The following ZNF521 variants were observed in gnomAD, a reference collection of about 807,000 sequenced individuals.
ZNF521 encodes zinc finger protein 521.
Under a neutral mutation model 105.5 loss-of-function variants are expected in ZNF521, and 14 were observed. The observed-to-expected ratio is 0.13, with a 90% CI of 0.09 to 0.21. ZNF521 has a LOEUF of 0.21. ZNF521 is among the 10% of genes least tolerant of loss of function. The pLI is 1.00. For synonymous variants in ZNF521, 635 were observed against 606.0 expected, an observed-to-expected ratio of 1.05 and a Z score of -0.70; for missense variants, 1,233 against 1,629.7, an observed-to-expected ratio of 0.76 and a Z score of 4.19.
chr18:25,343,535 A>G (rs996347959), intron 2 of ZNF521, among the ~76,000 whole-genome samples: 4 of 152,242 alleles, frequency 2.6e-5, no homozygotes, highest in African/African-American at 4.8e-5. Flanking sequence ...AAATATTGAA[A>G]TATAAATCCA....
intron 5 of ZNF521, among the ~76,000 whole-genome samples, chr18:25,134,133 C>T (rs1415290431): frequency 6.6e-6 from 1 of 152,124 alleles, no homozygotes; most frequent in Non-Finnish European, 1.5e-5. Context: ...CAGGAAGCTG[C>T]CTTACCTCTT....
At chr18:25,092,318 A>C (rs1454638497) in intron 5 of ZNF521, among the ~76,000 whole-genome samples, 1 of 152,196 alleles carries the variant, frequency 6.6e-6, no homozygotes, top group Non-Finnish European at 1.5e-5. Context: ...AGGCTAATGC[A>C]TTTTATTACA....
chr18:25,253,710 A>G (rs997480618), intron 3 of ZNF521, among the ~76,000 whole-genome samples: 3 of 152,160 alleles, frequency 2.0e-5, no homozygotes, highest in Admixed American at 6.5e-5. Flanking sequence ...CAGCATTTGG[A>G]TAATAAAAAA....
At chr18:25,193,651 G>A (rs2035855247) in intron 5 of ZNF521, among the ~76,000 whole-genome samples, 1 of 151,848 alleles carries the variant, frequency 6.6e-6, no homozygotes, top group Admixed American at 6.6e-5. Flanking sequence ...GTTTATATAA[G>A]GTATTTTTTA....
At chr18:25,321,318 T>C (rs1225750043) in intron 3 of ZNF521, among the ~76,000 whole-genome samples, 1 of 152,230 alleles carries the variant, frequency 6.6e-6, no homozygotes, top group African/African-American at 2.4e-5. Flanking sequence ...AGTCCCAGTT[T>C]TATTTAGCCA....
At chr18:25,328,780 C>A (rs1913386776) in intron 2 of ZNF521, among the ~76,000 whole-genome samples, 1 of 152,082 alleles carries the variant, frequency 6.6e-6, no homozygotes, top group African/African-American at 2.4e-5. Flanking sequence ...TCTCGATCTT[C>A]TGACCTTGTG....
At chr18:25,218,536 T>C (rs1472024089) in intron 4 of ZNF521, among the ~76,000 whole-genome samples, 2 of 144,278 alleles carry the variant, frequency 1.4e-5, no homozygotes, top group African/African-American at 2.6e-5. Flanking sequence ...CATACCTGTA[T>C]AGTCTCAGAT....
At chr18:25,284,345 G>A (rs2145000787) in intron 3 of ZNF521, among the ~76,000 whole-genome samples, 1 of 151,998 alleles carries the variant, frequency 6.6e-6, no homozygotes, top group African/African-American at 2.4e-5. Flanking sequence ...CACTGCTCTA[G>A]CTATCCTTTA....
chr18:25,120,134 A>G (rs1014112360), intron 5 of ZNF521, among the ~76,000 whole-genome samples: 7 of 152,356 alleles, frequency 4.6e-5, no homozygotes, highest in South Asian at 2.1e-4. Context: ...AAAAGGAAGG[A>G]AGAAAGGTAG....
intron 4 of ZNF521, among the ~76,000 whole-genome samples, chr18:25,206,755 C>T (rs1418005304): frequency 6.6e-6 from 1 of 152,204 alleles, no homozygotes; most frequent in African/African-American, 2.4e-5. Flanking sequence ...AACAGCTTTC[C>T]TACTGAGGCA....
At chr18:25,342,689 A>G (rs1296256884) in intron 2 of ZNF521, among the ~76,000 whole-genome samples, 1 of 152,006 alleles carries the variant, frequency 6.6e-6, no homozygotes, top group African/African-American at 2.4e-5. Context: ...CGGCCTCCCA[A>G]AGTGCTGGGA....
At chr18:25,218,439 A>C (rs189749045) in intron 4 of ZNF521, among the ~76,000 whole-genome samples, 19 of 148,012 alleles carry the variant, frequency 1.3e-4, no homozygotes, top group African/African-American at 4.8e-4. Context: ...CAGGAGAATC[A>C]CTTGAGCCCA....
At chr18:25,231,243 T>C (rs548344855) in intron 3 of ZNF521, among the ~76,000 whole-genome samples, 41 of 152,286 alleles carry the variant, frequency 2.7e-4, no homozygotes, top group African/African-American at 9.9e-4. Context: ...GGCCATATCC[T>C]GCAAGGAAGA....
At chr18:25,327,801 C>T in intron 2 of ZNF521, 1 of 413,508 alleles carries the variant, frequency 2.4e-6, no homozygotes, top group South Asian at 1.8e-5. Context: ...AGCCGTCTGT[C>T]CCGCACTCGC....
chr18:25,145,199 T>A (rs1476393378), intron 5 of ZNF521, among the ~76,000 whole-genome samples: 1 of 152,198 alleles, frequency 6.6e-6, no homozygotes, highest in Non-Finnish European at 1.5e-5. Flanking sequence ...TTGTCCACTA[T>A]GTGTTCTCTT....
intron 3 of ZNF521, among the ~76,000 whole-genome samples, chr18:25,308,715 C>G (rs7237416): frequency 0.19 from 27,092 of 142,460 alleles, 3,351 homozygotes; most frequent in African/African-American, 0.35. Context: ...GCTGGAACCT[C>G]TATTCCAGTG....
At chr18:25,341,266 C>T (rs1292835710) in intron 2 of ZNF521, among the ~76,000 whole-genome samples, 1 of 152,180 alleles carries the variant, frequency 6.6e-6, no homozygotes, top group East Asian at 1.9e-4. Context: ...GTGTTCTACG[C>T]CTGCACATTT....
chr18:25,327,740 T>C, intron 2 of ZNF521: 1 of 514,960 alleles, frequency 1.9e-6, no homozygotes, highest in Admixed American at 2.0e-5. Context: ...CACACTGTTA[T>C]AAAATGGCAA....
intron 3 of ZNF521, among the ~76,000 whole-genome samples, chr18:25,241,911 T>C (rs1411989400): frequency 6.6e-6 from 1 of 152,220 alleles, no homozygotes; most frequent in Non-Finnish European, 1.5e-5. Flanking sequence ...AAAAAGAATG[T>C]ATGCGTGCTT....
Sources: allele counts gnomAD v4.1 joint callset (sites outside exome capture counted in the v4.1 genomes callset), GRCh38; gene constraint gnomAD v4.1.1; transcripts MANE v1.5; gene names NCBI Gene and HGNC (gene_info 2026-07-23, HGNC 2026-07-21).